The following RFPL1 variants were observed in gnomAD, a reference collection of about 807,000 sequenced individuals.
RFPL1 encodes the protein ret finger protein like 1.
RFPL1 carries 6 observed loss-of-function variants against 9.6 expected under a neutral mutation model. That is an observed-to-expected ratio of 0.62 (90% CI 0.34 to 1.23). RFPL1 has a LOEUF of 1.23. RFPL1 is among the 50% of genes most tolerant of loss of function. The pLI, the probability that RFPL1 is intolerant of heterozygous loss-of-function variation, is 0.03. For synonymous variants in RFPL1, 145 were observed against 149.4 expected (o/e 0.97, Z 0.22); for missense variants, 352 against 398.4 (o/e 0.88, Z 0.99).
At chr22:29,405,904 T>C in the RFPL1 span, among the ~76,000 whole-genome samples, 4 of 148,684 alleles carry the variant, frequency 2.7e-5, no homozygotes, top group Non-Finnish European at 6.0e-5. Context: ...GGTCAGGAGA[T>C]CGAGACCATC....
chr22:29,388,861 T>C, the RFPL1 span, among the ~76,000 whole-genome samples: 2 of 152,126 alleles, frequency 1.3e-5, no homozygotes, highest in Non-Finnish European at 2.9e-5. Flanking sequence ...AGGGTTTTGC[T>C]CAAGGTCACT....
the RFPL1 span, among the ~76,000 whole-genome samples, chr22:29,396,341 C>T: frequency 6.6e-6 from 1 of 152,038 alleles, no homozygotes; most frequent in South Asian, 2.1e-4. Flanking sequence ...ATCTCTTGCA[C>T]TCTCTCTCAC....
the RFPL1 span, among the ~76,000 whole-genome samples, chr22:29,428,135 A>G: frequency 0.13 from 19,339 of 152,228 alleles, 1,699 homozygotes; most frequent in South Asian, 0.18. Context: ...ACGTTTTCAC[A>G]GCCCTGTCCC....
chr22:29,439,386 C>A (rs945091103), intron 1 of RFPL1: 9 of 671,840 alleles, frequency 1.3e-5, no homozygotes, highest in African/African-American at 3.6e-5. Context: ...GTAATGTCAG[C>A]ACTTTGGGAG....
chr22:29,424,107 G>C, the RFPL1 span, among the ~76,000 whole-genome samples: 1 of 152,222 alleles, frequency 6.6e-6, no homozygotes, highest in South Asian at 2.1e-4. Context: ...TGGAACCCGG[G>C]AGACGGAGGC....
chr22:29,390,689 G>A, the RFPL1 span, among the ~76,000 whole-genome samples: 2 of 151,372 alleles, frequency 1.3e-5, no homozygotes, highest in Non-Finnish European at 2.9e-5. Flanking sequence ...TCCGCCTCCC[G>A]GGTTCACGTC....
chr22:29,425,925 G>T, the RFPL1 span, among the ~76,000 whole-genome samples: 29 of 152,012 alleles, frequency 1.9e-4, no homozygotes, highest in Non-Finnish European at 3.7e-4. Context: ...TTTTTATTTA[G>T]GTTTGTTATG....
the RFPL1 span, among the ~76,000 whole-genome samples, chr22:29,421,511 A>T: frequency 6.7e-6 from 1 of 149,258 alleles, no homozygotes; most frequent in Admixed American, 6.7e-5. Flanking sequence ...ACTAAGCCCC[A>T]CAAGACTGAT....
At chr22:29,438,609 G>T (rs2062820736) in exon 1 of RFPL1, 1 of 1,437,822 alleles carries the variant, frequency 7.0e-7, no homozygotes, top group South Asian at 1.5e-5. Flanking sequence ...AGGCTCAGTT[G>T]CTGGGTCACC....
the RFPL1 span, among the ~76,000 whole-genome samples, chr22:29,392,915 A>T: frequency 3.9e-5 from 6 of 152,236 alleles, no homozygotes; most frequent in Non-Finnish European, 7.3e-5. Flanking sequence ...AGTTTCATTC[A>T]TTCTCCTAAA....
At chr22:29,392,619 A>C in the RFPL1 span, among the ~76,000 whole-genome samples, 4 of 151,520 alleles carry the variant, frequency 2.6e-5, no homozygotes. Context: ...CAAACTCCTG[A>C]CCTCAAGGGA....
chr22:29,415,151 A>G, the RFPL1 span, among the ~76,000 whole-genome samples: 2 of 152,120 alleles, frequency 1.3e-5, no homozygotes, highest in East Asian at 3.9e-4. Flanking sequence ...CAAGTTCCCA[A>G]GACCGGTCCT....
At chr22:29,395,046 C>T in the RFPL1 span, among the ~76,000 whole-genome samples, 1 of 152,166 alleles carries the variant, frequency 6.6e-6, no homozygotes, top group Non-Finnish European at 1.5e-5. Context: ...CTTTCTGATA[C>T]TCAGAATCTC....
chr22:29,429,613 G>C, the RFPL1 span, among the ~76,000 whole-genome samples: 2 of 152,068 alleles, frequency 1.3e-5, no homozygotes, highest in African/African-American at 4.8e-5. Flanking sequence ...GATTGAATCA[G>C]AAAGAAACAA....
At chr22:29,390,505 C>T in the RFPL1 span, among the ~76,000 whole-genome samples, 1 of 152,104 alleles carries the variant, frequency 6.6e-6, no homozygotes, top group East Asian at 1.9e-4. Flanking sequence ...TTTTATATAT[C>T]TGCAGTATAA....
the RFPL1 span, among the ~76,000 whole-genome samples, chr22:29,431,757 C>G: frequency 6.6e-6 from 1 of 151,704 alleles, no homozygotes; most frequent in Non-Finnish European, 1.5e-5. Context: ...GCGATCTCAG[C>G]TCTCTGCAAC....
At chr22:29,437,975 T>C, upstream of RFPL1, 1 of 319,678 alleles carries the variant, frequency 3.1e-6, no homozygotes, top group Non-Finnish European at 5.3e-6. Context: ...TTTTTTTTGG[T>C]GAGACAGGGT....
the RFPL1 span, among the ~76,000 whole-genome samples, chr22:29,417,292 G>A: frequency 6.6e-6 from 1 of 151,964 alleles, no homozygotes; most frequent in African/African-American, 2.4e-5. Flanking sequence ...GCTTTGTCCT[G>A]GAAGGAATCT....
chr22:29,432,565 C>T, the RFPL1 span, among the ~76,000 whole-genome samples: 1 of 152,166 alleles, frequency 6.6e-6, no homozygotes, highest in Admixed American at 6.5e-5. Context: ...TAAAGGACTC[C>T]TGAATTAGTC....
Sources: gnomAD v4.1 joint callset for allele counts (sites outside exome capture counted in the v4.1 genomes callset) on GRCh38, gnomAD v4.1.1 for gene constraint, MANE v1.5 for transcripts, NCBI Gene and HGNC (gene_info 2026-07-23, HGNC 2026-07-21) for gene names.